GPHN: variants seen among roughly 807,000 people sequenced by gnomAD.
GPHN encodes the protein gephyrin.
Under a neutral mutation model 95.5 loss-of-function variants are expected in GPHN, and 17 were observed. The ratio of observed to expected loss-of-function variants is 0.18; its 90% confidence interval spans 0.12 to 0.27. GPHN has a LOEUF of 0.27. GPHN is among the 10% of genes least tolerant of loss of function. The pLI is 1.00. For synonymous variants in GPHN, 320 were observed against 322.5 expected (o/e 0.99, Z 0.08); for missense variants, 660 against 978.1 (o/e 0.67, Z 4.34).
chr14:67,704,609 C>T, the GPHN span, among the ~76,000 whole-genome samples: 2 of 152,052 alleles, frequency 1.3e-5, no homozygotes, highest in Admixed American at 1.3e-4. Context: ...AGTGCACTTC[C>T]CATTTTAGCT....
chr14:66,861,376 T>C (rs923624586), intron 4 of GPHN, among the ~76,000 whole-genome samples: 1 of 151,956 alleles, frequency 6.6e-6, no homozygotes, highest in South Asian at 2.1e-4. Flanking sequence ...AAGAGAGAGA[T>C]AGATTCCAAT....
the GPHN span, among the ~76,000 whole-genome samples, chr14:67,423,456 G>A: frequency 6.6e-6 from 1 of 152,120 alleles, no homozygotes; most frequent in African/African-American, 2.4e-5. Flanking sequence ...GTTGACAGAA[G>A]AGGGGGCTCT....
the GPHN span, among the ~76,000 whole-genome samples, chr14:67,280,721 T>C: frequency 6.6e-6 from 1 of 152,102 alleles, no homozygotes; most frequent in Non-Finnish European, 1.5e-5. Flanking sequence ...CTTTTTCTAA[T>C]TTGGCCAAAG....
intron 11 of GPHN, among the ~76,000 whole-genome samples, chr14:67,068,037 G>C (rs117389757): frequency 1.3e-5 from 2 of 152,106 alleles, no homozygotes; most frequent in African/African-American, 4.8e-5. Context: ...CTTCTGCGTC[G>C]GTCATGCTGG....
the GPHN span, among the ~76,000 whole-genome samples, chr14:67,624,494 C>T: frequency 2.6e-5 from 4 of 152,154 alleles, no homozygotes; most frequent in South Asian, 2.1e-4. Flanking sequence ...ATAATCATGG[C>T]GGAAGGTGAA....
chr14:67,340,589 G>C, the GPHN span: 2 of 1,239,644 alleles, frequency 1.6e-6, no homozygotes, highest in Non-Finnish European at 2.3e-6. Context: ...GTGCTCATTT[G>C]TATAACAGTT....
intron 5 of GPHN, among the ~76,000 whole-genome samples, chr14:66,882,211 A>G (rs1160595387): frequency 6.6e-6 from 1 of 151,732 alleles, no homozygotes; most frequent in African/African-American, 2.4e-5. Context: ...GCTTTATCTT[A>G]TTCTTTTTTA....
chr14:67,557,286 G>A, the GPHN span: 1 of 1,613,832 alleles, frequency 6.2e-7, no homozygotes, highest in Non-Finnish European at 8.5e-7. Context: ...TCATGGAAGA[G>A]AAGGTAAAAC....
chr14:66,988,521 TAACTC>T (rs1205625070), intron 9 of GPHN, among the ~76,000 whole-genome samples: 7 of 152,050 alleles, frequency 4.6e-5, no homozygotes, highest in Non-Finnish European at 7.4e-5. Context: ...TTAATAGACT[TAACTC>T]AGACTCTTTT....
chr14:67,600,179 C>G, the GPHN span: 1 of 1,586,592 alleles, frequency 6.3e-7, no homozygotes, highest in Middle Eastern at 1.7e-4. Context: ...CCGCAGATAT[C>G]CGAAAAGCTC....
chr14:67,302,443 A>T, the GPHN span: 6 of 1,598,370 alleles, frequency 3.8e-6, no homozygotes, highest in Non-Finnish European at 4.3e-6. Context: ...GGACTCTGTC[A>T]TCATTAGCCG....
intron 1 of GPHN, among the ~76,000 whole-genome samples, chr14:66,657,626 G>T (rs1011772257): frequency 6.6e-6 from 1 of 152,094 alleles, no homozygotes; most frequent in African/African-American, 2.4e-5. Flanking sequence ...GGTCCCTTAA[G>T]AATTATGCTG....
At chr14:66,787,714 C>T (rs2059825873) in intron 3 of GPHN, among the ~76,000 whole-genome samples, 1 of 151,012 alleles carries the variant, frequency 6.6e-6, no homozygotes, top group Non-Finnish European at 1.5e-5. Context: ...GATGCAAAAG[C>T]AGTTCAATGG....
At chr14:67,710,469 CT>C in the GPHN span, among the ~76,000 whole-genome samples, 1 of 152,150 alleles carries the variant, frequency 6.6e-6, no homozygotes. Flanking sequence ...CATGCTTGGA[CT>C]TTCCAGTTTG....
chr14:66,562,889 G>T (rs1254615369), intron 1 of GPHN, among the ~76,000 whole-genome samples: 2 of 152,030 alleles, frequency 1.3e-5, no homozygotes, highest in East Asian at 1.9e-4. Context: ...GTTTGTGTGT[G>T]TGTGTGCGCA....
chr14:67,045,603 CTCTG>C lies in GPHN; in HGVS notation c.1007-13040_1007-13037del, dbSNP rs201606946. Among the ~76,000 whole-genome samples, 64 of 151,132 alleles carry C rather than the reference CTCTG, an allele frequency of 4.2e-4. 1 individual carries two copies. In the East Asian group the frequency reaches 0.012, roughly 29 times the overall value. On this transcript the variant is annotated intron_variant, in intron 10 of 22. Coordinates refer to ENST00000478722, the MANE Select transcript of GPHN (RefSeq NM_020806.5). Reference sequence around the variant, plus strand: ...TCTCAGTGTCTGTCTGTCTCTCTGTCTCTGTCTGTGTCTCTGTCTCTCTCCATCT... The same window carrying C: ...TCTCAGTGTCTGTCTGTCTCTCTGTCTCTGTGTCTCTGTCTCTCTCCATCT...
At chr14:67,632,353 C>A in the GPHN span, among the ~76,000 whole-genome samples, 2 of 152,232 alleles carry the variant, frequency 1.3e-5, no homozygotes, top group Non-Finnish European at 1.5e-5. Context: ...AGCATCATCA[C>A]CAATACGTGG....
At chr14:66,964,797 A>G (rs1024221197) in intron 8 of GPHN, among the ~76,000 whole-genome samples, 5 of 152,206 alleles carry the variant, frequency 3.3e-5, no homozygotes, top group African/African-American at 9.6e-5. Context: ...GATGGTGTGC[A>G]TACAGGTCAG....
the GPHN span, among the ~76,000 whole-genome samples, chr14:67,501,974 C>T: frequency 6.6e-6 from 1 of 152,288 alleles, no homozygotes; most frequent in South Asian, 2.1e-4. Flanking sequence ...TATAGTGCTT[C>T]AGATTTCAAA....
Sources: gnomAD v4.1 joint callset for allele counts (sites outside exome capture counted in the v4.1 genomes callset) on GRCh38, gnomAD v4.1.1 for gene constraint, MANE v1.5 for transcripts, NCBI Gene and HGNC (gene_info 2026-07-23, HGNC 2026-07-21) for gene names.